PLEKHG5: variants seen among roughly 807,000 people sequenced by gnomAD.
PLEKHG5 encodes the protein pleckstrin homology domain-containing family G member 5.
A neutral mutation model predicts 103.8 loss-of-function variants in PLEKHG5; 52 were observed. The observed-to-expected ratio is 0.50, with a 90% CI of 0.40 to 0.63. The LOEUF (loss-of-function observed/expected upper bound fraction) is 0.63, where lower values mean the gene tolerates loss of function less well. PLEKHG5 is among the 30% of genes least tolerant of loss of function. PLEKHG5 has a pLI of 0.00. For missense variants in PLEKHG5, 1,205 were observed against 1,347.6 expected, an observed-to-expected ratio of 0.89 and a Z score of 1.66; for synonymous variants, 592 against 575.5, an observed-to-expected ratio of 1.03 and a Z score of -0.41.
intron 1 of PLEKHG5, chr1:6,485,604 C>G (rs1356716769): frequency 3.2e-5 from 21 of 659,194 alleles, no homozygotes; most frequent in East Asian, 1.2e-4. Flanking sequence ...GGACACCTCC[C>G]TCCCGCCCGG....
chr1:6,494,398 TG>T (rs1412809160), upstream of PLEKHG5, among the ~76,000 whole-genome samples: 1 of 152,050 alleles, frequency 6.6e-6, no homozygotes, highest in African/African-American at 2.4e-5. Flanking sequence ...CCCAAAGTGC[TG>T]GGGTTACAGG....
intron 1 of PLEKHG5, among the ~76,000 whole-genome samples, chr1:6,518,686 C>T (rs1048088632): frequency 6.6e-6 from 1 of 152,034 alleles, no homozygotes; most frequent in African/African-American, 2.4e-5. Context: ...TTGCCAGGGG[C>T]GTGCAACTTG....
Position 6,468,025 on chromosome 1 carries a change from G to A in PLEKHG5, c.2811C>T (p.Ser937=), listed in dbSNP as rs1232546435. The stretch of plus-strand genomic sequence containing the variant: ...CCAGGCAGCCGACTAGCCCAGGACC[G>A]CTGCCAGGGCTAGGGGCCCCTCGGC... The part of the protein sequence containing the change: ...WDCRGAPSPG[S]GPGLVGCLAG... Residue 937 remains serine, a synonymous_variant, in exon 20 of 21, where the codon AGC becomes AGT. Transcript: ENST00000377728. 1.9e-5 allele frequency: 30 copies of A among 1,552,538 alleles called. No homozygotes were observed. The highest frequency in any genetic ancestry group is 2.5e-5 in the Non-Finnish European group (29 of 1,150,928).
chr1:6,475,220 C>T (rs1644727666), intron 4 of PLEKHG5, 82 bp from the exon 5 acceptor site: 1 of 750,224 alleles, frequency 1.3e-6, no homozygotes, highest in Non-Finnish European at 2.3e-6. Context: ...TCCTTCCCAC[C>T]CTCCTTCCCA....
chr1:6,504,151 G>C (rs1638232689), intron 1 of PLEKHG5, among the ~76,000 whole-genome samples: 2 of 152,192 alleles, frequency 1.3e-5, no homozygotes, highest in African/African-American at 4.8e-5. Context: ...ACCTGCCTCA[G>C]GTAGGCAGGA....
chr1:6,497,136 G>A (rs577598804), upstream of PLEKHG5: 107 of 1,127,026 alleles, frequency 9.5e-5, 2 homozygotes, highest in Middle Eastern at 1.9e-3. This position sits in a 1 kb window ranked among gnomAD's most constrained non-coding sequence, Gnocchi z 6.1. Flanking sequence ...CGGGGGGAGG[G>A]AGGAGAAGCG....
chr1:6,497,011 C>A (rs1645236008), upstream of PLEKHG5: 1 of 1,525,404 alleles, frequency 6.6e-7, no homozygotes, highest in East Asian at 2.5e-5. The surrounding 1 kb of genome is among the most constrained non-coding windows in gnomAD (Gnocchi z 6.1). Context: ...TCTGGGGCGA[C>A]CCCCGTTCCC....
intron 1 of PLEKHG5, among the ~76,000 whole-genome samples, chr1:6,511,491 G>T (rs908080122): frequency 1.3e-5 from 2 of 152,250 alleles, no homozygotes; most frequent in South Asian, 4.1e-4. Flanking sequence ...CGAGAGAAAC[G>T]TCTGAAGGGG....
At position 6,489,929 on chromosome 1, in the gene PLEKHG5, C is replaced by A. The variant is rs148132599; in HGVS notation, c.-88+1708G>T. ...AGGGGACCTCTTGGCCTCCATTTCCCAGACTTCCACCAAGGCAGGCCAGGG... is the reference window on the plus strand; with the variant it reads ...AGGGGACCTCTTGGCCTCCATTTCCAAGACTTCCACCAAGGCAGGCCAGGG... On this transcript the variant is annotated intron_variant, in intron 1 of 20. Transcript: ENST00000377728. Among the ~76,000 whole-genome samples, 854 of 152,312 alleles carry A rather than the reference C, an allele frequency of 5.6e-3. 9 individuals carry two copies. The highest frequency in any genetic ancestry group is 0.02 in the African/African-American group (812 of 41,572).
rs1236863703 is a variant in PLEKHG5 at position 6,471,048 on chromosome 1, C to A, written c.1334G>T (p.Cys445Phe). Residue 445 changes from cysteine to phenylalanine, a missense_variant, in exon 13 of 21, where the codon TGC becomes TTC. Coordinates refer to ENST00000377728, the MANE Select transcript of PLEKHG5 (RefSeq NM_020631.6). The stretch of plus-strand genomic sequence containing the variant: ...CAGCAGGCCGCGCATGTACTCCATG[C>A]AGCCCTCCTCCTCCATGCAGTAGCG... ...YIRYCMEEEGCMEYMRGLLRD... is the reference protein window; with the variant it reads ...YIRYCMEEEGFMEYMRGLLRD... 6.2e-7 allele frequency: 1 copy of A among 1,604,716 alleles called. No homozygotes were observed. The highest frequency in any genetic ancestry group is 8.5e-7 in the Non-Finnish European group (1 of 1,176,152).
chr1:6,473,375 G>A lies in PLEKHG5; in HGVS notation c.671C>T (p.Ser224Phe). Reference protein sequence around the residue: ...SIPGQEPPTPSSCSLPSGSSG... With the variant: ...SIPGQEPPTPFSCSLPSGSSG... ...GCTGCCGCTGGGCAGAGAGCAGCTG[G>A]AGGGCGTGGGGGGCTCCTGCCCGGG... Residue 224 changes from serine (S) to phenylalanine (F), a missense_variant, in exon 8 of 21, where the codon TCC becomes TTC. Coordinates refer to ENST00000377728, the MANE Select transcript of PLEKHG5 (RefSeq NM_020631.6). 2 of 1,549,142 alleles carry A rather than the reference G, an allele frequency of 1.3e-6. No homozygotes were observed. The highest frequency in any genetic ancestry group is 1.7e-6 in the Non-Finnish European group (2 of 1,146,610).
chr1:6,473,073 C>T lies in PLEKHG5; in HGVS notation c.897G>A (p.Trp299Ter). 1.2e-6 allele frequency: 2 copies of T among 1,613,926 alleles called. No individual in the cohort carries two copies. Among genetic ancestry groups the T allele is most frequent in the Non-Finnish European group, 1.7e-6 (2 of 1,179,872 alleles). Residue 299 changes from tryptophan to a stop codon, truncating the protein, a stop_gained, in exon 9 of 21, where the codon TGG becomes TGA. Coordinates refer to ENST00000377728, the MANE Select transcript of PLEKHG5 (RefSeq NM_020631.6). LOFTEE classifies it high-confidence loss of function. The stretch of plus-strand genomic sequence containing the variant: ...CCTCGTCTTCATCGTACTCCTCCTC[C>T]CAGGAGTCATGGTCGAAGCGCAGCC... ...PRGLRFDHDS[W>*]EEEYDEDEDE...
chr1:6,510,812 C>A (rs553072865), intron 1 of PLEKHG5, among the ~76,000 whole-genome samples: 24 of 152,234 alleles, frequency 1.6e-4, no homozygotes, highest in African/African-American at 5.8e-4. Flanking sequence ...CTGGGCTGGG[C>A]ACAGTGGCTC....
At chr1:6,508,622 G>A (rs903841110) in intron 1 of PLEKHG5, among the ~76,000 whole-genome samples, 4 of 152,222 alleles carry the variant, frequency 2.6e-5, no homozygotes, top group African/African-American at 9.7e-5. Context: ...GGAAAACCAG[G>A]AAACAAGACT....
In PLEKHG5 at chr1:6,485,541, G is replaced by A; in HGVS notation, c.-88+6096C>T. The A allele has an allele frequency of 1.3e-5, 15 of 1,157,348 alleles. No individual in the cohort carries two copies. The Admixed American group carries it at 1.3e-4, about 10-fold the overall frequency. 71.7% of individuals were successfully genotyped at this position (1,157,348 alleles called of 1,614,324 possible). A position where few individuals can be genotyped will look rare whatever the true frequency, so the allele number is the denominator to read the frequency against. On this transcript the variant is annotated intron_variant, in intron 1 of 20. Coordinates refer to ENST00000377728, the MANE Select transcript of PLEKHG5 (RefSeq NM_020631.6). ...GGCCGCGCCCGCCCCCGCCGAGCGC[G>A]GGGACCCCGGGGAGGGCCGGGCCCG...
At chr1:6,477,876 CTTTTTCTTT>C (rs1644805860) in intron 1 of PLEKHG5, among the ~76,000 whole-genome samples, 1 of 151,814 alleles carries the variant, frequency 6.6e-6, no homozygotes, top group African/African-American at 2.4e-5. Flanking sequence ...ATTTCTCCAT[CTTTTTCTTT>C]TTTTTCTTTT....
intron 1 of PLEKHG5, among the ~76,000 whole-genome samples, chr1:6,509,948 C>A (rs1444019135): frequency 1.3e-5 from 2 of 152,206 alleles, no homozygotes; most frequent in Admixed American, 1.3e-4. Flanking sequence ...CCAGGCAAGG[C>A]CCACTGTGGC....
At chr1:6,480,576 A>G (rs1644873850) in intron 1 of PLEKHG5, among the ~76,000 whole-genome samples, 1 of 151,660 alleles carries the variant, frequency 6.6e-6, no homozygotes, top group African/African-American at 2.4e-5. Flanking sequence ...TTGCGGTCCT[A>G]AGAGCTTTAG....
chr1:6,496,977 T>G (rs774334948), upstream of PLEKHG5: 1 of 1,529,304 alleles, frequency 6.5e-7, no homozygotes, highest in South Asian at 1.2e-5. Flanking sequence ...TCGCTCCCTT[T>G]AGAGACAGAG....
Sources: gnomAD v4.1 joint callset for allele counts (sites outside exome capture counted in the v4.1 genomes callset) on GRCh38, gnomAD v4.1.1 for gene constraint, Gnocchi (gnomAD v3.1) non-coding constraint, MANE v1.5 for transcripts, NCBI Gene and HGNC (gene_info 2026-07-23, HGNC 2026-07-21) for gene names.